SMYD3: variants seen among roughly 807,000 people sequenced by gnomAD.
The protein encoded by SMYD3 is SET and MYND domain containing 3, also known as histone-lysine N-methyltransferase SMYD3.
A neutral mutation model predicts 57.7 loss-of-function variants in SMYD3; 36 were observed. That is an observed-to-expected ratio of 0.62 (90% confidence interval 0.48 to 0.82). The LOEUF is 0.82. Ranked by LOEUF, SMYD3 falls within the 40% of genes least tolerant of loss-of-function variation. The probability of loss-of-function intolerance (pLI) is 0.00; values close to 1 mark genes in which losing one functional copy is unlikely to be tolerated. For synonymous variants in SMYD3, 211 were observed against 195.0 expected (o/e 1.08, Z -0.68); for missense variants, 515 against 538.8 (o/e 0.96, Z 0.44).
At chr1:246,191,598 A>G (rs951231586) in intron 5 of SMYD3, among the ~76,000 whole-genome samples, 1 of 152,244 alleles carries the variant, frequency 6.6e-6, no homozygotes, top group African/African-American at 2.4e-5. Context: ...AAGATCAAAC[A>G]TATTTGAAAT....
intron 5 of SMYD3, among the ~76,000 whole-genome samples, chr1:246,105,262 G>C (rs182459625): frequency 1.1e-4 from 17 of 152,266 alleles, no homozygotes; most frequent in South Asian, 2.1e-4. Flanking sequence ...TGGGGACAGA[G>C]TTCAGGAACC....
At chr1:246,344,339 G>A (rs2065677813) in intron 2 of SMYD3, among the ~76,000 whole-genome samples, 1 of 152,194 alleles carries the variant, frequency 6.6e-6, no homozygotes, top group Non-Finnish European at 1.5e-5. Context: ...GATCAGTTTT[G>A]TCTAGCCTAG....
At position 245,960,412 on chromosome 1, in the gene SMYD3, A is replaced by G. The variant is rs145889358; in HGVS notation, c.532-30475T>C. 2.0e-5 allele frequency among the ~76,000 whole-genome samples: 3 copies of G among 152,334 alleles called. No homozygotes were observed. The East Asian group carries it at 5.8e-4, about 29-fold the overall frequency. On this transcript the variant is annotated intron_variant, in intron 5 of 11. Transcript: ENST00000490107. The stretch of plus-strand genomic sequence containing the variant: ...ATTTTTCTGCCTGAAAATGACCCCG[A>G]CATGAAAACCAACTGATAGATTGGT...
intron 1 of SMYD3, among the ~76,000 whole-genome samples, chr1:246,481,954 C>T (rs2068116269): frequency 6.6e-6 from 1 of 151,750 alleles, no homozygotes; most frequent in Non-Finnish European, 1.5e-5. Flanking sequence ...TCCTGGAGTT[C>T]AAGACCAGCC....
intron 8 of SMYD3, among the ~76,000 whole-genome samples, chr1:245,864,732 T>C (rs1338119494): frequency 2.8e-5 from 1 of 36,344 alleles, no homozygotes; most frequent in African/African-American, 4.8e-5. Flanking sequence ...ACCACTGAAC[T>C]GTACACTTTA....
At chr1:245,799,915 C>T (rs2047771690) in intron 10 of SMYD3, among the ~76,000 whole-genome samples, 1 of 152,224 alleles carries the variant, frequency 6.6e-6, no homozygotes, top group African/African-American at 2.4e-5. Context: ...CATCTGCCCA[C>T]CTCATGCTGC....
chr1:246,069,069 T>C (rs902991639), intron 5 of SMYD3, among the ~76,000 whole-genome samples: 119 of 152,188 alleles, frequency 7.8e-4, no homozygotes, highest in Non-Finnish European at 1.1e-3. Flanking sequence ...ACCAACTACA[T>C]AGAACATCAT....
At chr1:246,410,925 C>G (rs1315855193) in intron 1 of SMYD3, among the ~76,000 whole-genome samples, 1 of 152,172 alleles carries the variant, frequency 6.6e-6, no homozygotes, top group Non-Finnish European at 1.5e-5. Flanking sequence ...AGCAATTTAT[C>G]CATTTCTTCT....
chr1:245,816,253 T>C (rs2148313607), intron 10 of SMYD3, among the ~76,000 whole-genome samples: 1 of 152,102 alleles, frequency 6.6e-6, no homozygotes, highest in African/African-American at 2.4e-5. Context: ...TCCATTTCAG[T>C]TTAGACGGCA....
At chr1:246,028,845 T>C (rs912613302) in intron 5 of SMYD3, among the ~76,000 whole-genome samples, 1 of 152,164 alleles carries the variant, frequency 6.6e-6, no homozygotes, top group African/African-American at 2.4e-5. Context: ...TACAAAGCTA[T>C]AGGAACCAAA....
At chr1:246,134,810 C>G (rs975168780) in intron 5 of SMYD3, among the ~76,000 whole-genome samples, 2 of 150,202 alleles carry the variant, frequency 1.3e-5, no homozygotes, top group Admixed American at 6.7e-5. Context: ...CCCCCCCTGC[C>G]GCTTTTAATG....
chr1:246,447,151 C>A (rs1479229037), intron 1 of SMYD3, among the ~76,000 whole-genome samples: 1 of 152,042 alleles, frequency 6.6e-6, no homozygotes, highest in Non-Finnish European at 1.5e-5. Context: ...ATGAAGACTG[C>A]ATTAAAATGT....
intron 5 of SMYD3, among the ~76,000 whole-genome samples, chr1:246,038,401 T>C (rs1199710884): frequency 6.6e-6 from 1 of 151,844 alleles, no homozygotes; most frequent in Non-Finnish European, 1.5e-5. Context: ...GACAGAATTA[T>C]CAAAAACTCT....
At chr1:246,072,113 A>T (rs76954812) in intron 5 of SMYD3, among the ~76,000 whole-genome samples, 5 of 67,660 alleles carry the variant, frequency 7.4e-5, no homozygotes, top group African/African-American at 3.1e-4. Context: ...CTCACTGTGG[A>T]TGCATCGTGT....
intron 1 of SMYD3, among the ~76,000 whole-genome samples, chr1:246,374,300 TTATCTG>T (rs1280836783): frequency 1.3e-5 from 2 of 152,180 alleles, no homozygotes; most frequent in East Asian, 3.9e-4. Flanking sequence ...TCACTTATAT[TTATCTG>T]TAACTCCAAA....
At chr1:246,110,955 C>G (rs1572040359) in intron 5 of SMYD3, among the ~76,000 whole-genome samples, 1 of 152,122 alleles carries the variant, frequency 6.6e-6, no homozygotes, top group East Asian at 1.9e-4. Flanking sequence ...TAGGAGCGAA[C>G]TCTGCATTAG....
intron 5 of SMYD3, chr1:245,956,185 T>C (rs1311627041): frequency 4.4e-6 from 2 of 458,696 alleles, no homozygotes; most frequent in African/African-American, 4.3e-5. Flanking sequence ...CCCAAAGTGT[T>C]GGGATTATAG....
At chr1:246,133,242 C>T (rs1401043378) in intron 5 of SMYD3, among the ~76,000 whole-genome samples, 1 of 151,866 alleles carries the variant, frequency 6.6e-6, no homozygotes, top group Non-Finnish European at 1.5e-5. Flanking sequence ...GAATAACTTT[C>T]CCAAAGCTTG....
intron 8 of SMYD3, among the ~76,000 whole-genome samples, chr1:245,865,833 A>G (rs1407021177): frequency 1.3e-5 from 2 of 152,236 alleles, no homozygotes; most frequent in African/African-American, 4.8e-5. Context: ...CATTGCAGAA[A>G]GTCCTGTTGG....
Sources: gnomAD v4.1 joint callset for allele counts (sites outside exome capture counted in the v4.1 genomes callset) on GRCh38, gnomAD v4.1.1 for gene constraint, MANE v1.5 for transcripts, NCBI Gene and HGNC (gene_info 2026-07-23, HGNC 2026-07-21) for gene names.